CACNA1A: variants seen among roughly 807,000 people sequenced by gnomAD.
CACNA1A encodes the protein voltage-dependent P/Q-type calcium channel subunit alpha-1A.
A neutral mutation model predicts 262.4 loss-of-function variants in CACNA1A; 57 were observed. That is an observed-to-expected ratio of 0.22 (90% confidence interval 0.18 to 0.27). The LOEUF (loss-of-function observed/expected upper bound fraction) is 0.27, where lower values mean the gene tolerates loss of function less well. Among genes scored for constraint, CACNA1A ranks in the 10% least tolerant of loss-of-function variants. The pLI, the probability that CACNA1A is intolerant of heterozygous loss-of-function variation, is 1.00. For synonymous variants in CACNA1A, 1,431 were observed against 1,419.3 expected, an observed-to-expected ratio of 1.01 and a Z score of -0.18; for missense variants, 2,526 against 3,562.8, an observed-to-expected ratio of 0.71 and a Z score of 7.41.
intron 6 of CACNA1A, among the ~76,000 whole-genome samples, chr19:13,344,016 C>G (rs2058718076): frequency 6.6e-6 from 1 of 152,086 alleles, no homozygotes; most frequent in South Asian, 2.1e-4. Flanking sequence ...TTGAGACCAG[C>G]CTGGGCAACA....
chr19:13,207,804 G>T lies in CACNA1A; in HGVS notation c.7030C>A (p.Pro2344Thr). The change falls in exon 47 of 47, where the codon CCC becomes ACC. Residue 2344 changes from proline to threonine, a missense_variant. This residue lies in a region of CACNA1A where 929 missense variants were observed against 868.1 expected (regional missense o/e 1.07). Coordinates refer to ENST00000360228, the MANE Select transcript of CACNA1A (RefSeq NM_001127222.2). The surrounding 1 kb of genome is among the most constrained non-coding windows in gnomAD (Gnocchi z 5.7). ...ATSGPRRYPG[P>T]TAEPLAGDRP... ...TCTCCGGCCAGAGGCTCGGCCGTGG[G>T]GCCTGGGTACCTCCGAGGGCCGCTG... is the stretch of plus-strand genomic sequence containing the variant. 1.4e-6 allele frequency: 2 copies of T among 1,443,810 alleles called. No individual in the cohort carries two copies. Among genetic ancestry groups the T allele is most frequent in the Non-Finnish European group, 1.8e-6 (2 of 1,106,008 alleles). The allele number at this position is 1,443,810 out of a possible 1,614,324, so 89.4% of individuals were successfully genotyped here.
At chr19:13,293,247 G>A (rs72993598) in intron 19 of CACNA1A, among the ~76,000 whole-genome samples, 13,833 of 151,930 alleles carry the variant, frequency 0.091, 817 homozygotes, top group South Asian at 0.23. Context: ...GCCAGGCATG[G>A]TGTCTCATGT....
At chr19:13,463,247 T>C (rs1158754883) in intron 1 of CACNA1A, among the ~76,000 whole-genome samples, 1 of 152,130 alleles carries the variant, frequency 6.6e-6, no homozygotes, top group East Asian at 1.9e-4. Flanking sequence ...ATGGCCACAG[T>C]TTAGTAAAGG....
Position 13,294,487 on chromosome 19 carries a change from C to CTT in CACNA1A, c.3089+4055_3089+4056dup, listed in dbSNP as rs780908964. 3.2e-3 allele frequency among the ~76,000 whole-genome samples: 235 copies of CTT among 72,522 alleles called. 23 individuals are homozygous for CTT. The highest frequency in any genetic ancestry group is 4.1e-3 in the Admixed American group (22 of 5,332). The allele number at this position is 72,522 out of a possible 152,430, so 47.6% of individuals were successfully genotyped here. A position where few individuals can be genotyped will look rare whatever the true frequency, so the allele number is the denominator to read the frequency against. ...TACAGGTGCATACCACTGTACCTGG[C>CTT]TTTTTTTTTTTTTTTTTTTTTTTGA... is the stretch of plus-strand genomic sequence containing the variant. On this transcript the variant is annotated intron_variant, in intron 19 of 46. Coordinates refer to ENST00000360228, the MANE Select transcript of CACNA1A (RefSeq NM_001127222.2).
In CACNA1A at chr19:13,506,087, C is replaced by G; in HGVS notation, c.138G>C (p.Arg46Ser). ...TCTGCGCCATTGACTGCTTGTACAT[C>G]CTTTGCGCCCCGGGCTGCCCGCCCT... ...SRQGGQPGAQRMYKQSMAQRA... is the reference protein window; with the variant it reads ...SRQGGQPGAQSMYKQSMAQRA... The change falls in exon 1 of 47, where the codon AGG (arginine) becomes AGC (serine). Residue 46 changes from arginine to serine, a missense_variant. Arg to Ser is a moderately radical substitution (Grantham distance 110, BLOSUM62 -1). This residue lies in a region of CACNA1A where 65 missense variants were observed against 75.6 expected (regional missense o/e 0.86). Coordinates refer to ENST00000360228, the MANE Select transcript of CACNA1A (RefSeq NM_001127222.2). 6.2e-7 allele frequency: 1 copy of G among 1,613,724 alleles called. No individual in the cohort carries two copies. The highest frequency in any genetic ancestry group is 2.2e-5 in the East Asian group (1 of 44,834).
rs374115419 is a variant in CACNA1A, at chr19:13,214,219, G to T, written c.5940+14C>A. ...TCCCCAGCCCAGATGTCCCCAGAGC[G>T]GCGAACAGCGCACCTGCTCCTCGCG... On this transcript the variant is annotated intron_variant, in intron 40 of 46. Coordinates refer to ENST00000360228, the MANE Select transcript of CACNA1A (RefSeq NM_001127222.2). The surrounding 1 kb of genome is among the most constrained non-coding windows in gnomAD (Gnocchi z 4.1). 7.3e-5 allele frequency: 116 copies of T among 1,594,848 alleles called. No homozygotes were observed. The highest frequency in any genetic ancestry group is 5.1e-5 in the Admixed American group (3 of 58,958).
chr19:13,245,573 C>T, intron 30 of CACNA1A: 2 of 362,100 alleles, frequency 5.5e-6, no homozygotes, highest in Non-Finnish European at 1.0e-5. Context: ...TTTTTGAGGG[C>T]TCCCGAGACC....
chr19:13,210,820 G>C, intron 43 of CACNA1A, 168 bp from the exon 44 acceptor site: 3 of 751,970 alleles, frequency 4.0e-6, no homozygotes, highest in Non-Finnish European at 6.8e-6. Flanking sequence ...GAAAAGAAAA[G>C]TTAAAGTCCT....
At position 13,303,780 on chromosome 19, in the gene CACNA1A, C is replaced by A; in HGVS notation, c.2091G>T (p.Thr697=). 1 of 1,610,250 alleles carries A rather than the reference C, an allele frequency of 6.2e-7. No individual in the cohort carries two copies. The highest frequency in any genetic ancestry group is 8.5e-7 in the Non-Finnish European group (1 of 1,176,748). ...MVFSIYFIVL[T]LFGNYTLLNV... ...CATGAAGGATACAGTTCCCAAAGAG[C>A]GTCAGTACAATGAAATAGATGGAGA... The change falls in exon 16 of 47, where the codon ACG becomes ACT. Residue 697 remains threonine (T), a synonymous_variant. Coordinates refer to ENST00000360228, the MANE Select transcript of CACNA1A (RefSeq NM_001127222.2).
At chr19:13,317,387 C>T (rs957719394) in intron 10 of CACNA1A, 66 bp from the exon 11 acceptor site, 11 of 1,334,322 alleles carry the variant, frequency 8.2e-6, no homozygotes, top group Non-Finnish European at 1.0e-5. Flanking sequence ...AACCAATGTG[C>T]AGCCCAAGCA....
chr19:13,289,877 T>G (rs1193968947), intron 19 of CACNA1A, among the ~76,000 whole-genome samples: 1 of 150,784 alleles, frequency 6.6e-6, no homozygotes, highest in Non-Finnish European at 1.5e-5. Flanking sequence ...AAAGATCACT[T>G]GTTCTGTAGT....
At chr19:13,380,502 C>T (rs1382195591) in intron 3 of CACNA1A, among the ~76,000 whole-genome samples, 1 of 150,540 alleles carries the variant, frequency 6.6e-6, no homozygotes. Flanking sequence ...AAAAAATTAG[C>T]TGGGCGTGGC....
rs550616613 is a variant in CACNA1A at position 13,402,779 on chromosome 19, C to CACAT, written c.540-31001_540-31000insATGT. Among the ~76,000 whole-genome samples, 696 of 124,350 alleles carry CACAT rather than the reference C, an allele frequency of 5.6e-3. 7 individuals carry two copies. Among genetic ancestry groups the CACAT allele is most frequent in the African/African-American group, 0.023 (636 of 28,014 alleles). The allele number at this position is 124,350 out of a possible 152,430, so 81.6% of individuals were successfully genotyped here. On this transcript the variant is annotated intron_variant, in intron 3 of 46. Transcript: ENST00000360228. ...ACACACATATATATACATATATATA[C>CACAT]ATATATATACATATATACACACATA...
chr19:13,300,117 C>T (rs992960880), intron 18 of CACNA1A, among the ~76,000 whole-genome samples: 6 of 152,146 alleles, frequency 3.9e-5, no homozygotes, highest in Admixed American at 2.6e-4. Flanking sequence ...TCCACAGCCC[C>T]GGGACTGGGG....
intron 3 of CACNA1A, among the ~76,000 whole-genome samples, chr19:13,410,377 C>T (rs1441602267): frequency 6.6e-6 from 1 of 151,874 alleles, no homozygotes; most frequent in Non-Finnish European, 1.5e-5. Flanking sequence ...CAGGCATGCA[C>T]CACCATGCCC....
intron 6 of CACNA1A, among the ~76,000 whole-genome samples, chr19:13,357,553 T>G (rs1192881674): frequency 6.6e-6 from 1 of 152,174 alleles, no homozygotes; most frequent in African/African-American, 2.4e-5. Context: ...GTGGCATCCT[T>G]GTGTTTGATC....
In CACNA1A at chr19:13,221,225, T is replaced by TTTTCTTTCTTTCTTC. The variant is rs1491338212; in HGVS notation, c.5731+3441_5731+3442insGAAGAAAGAAAGAAA. Among the ~76,000 whole-genome samples, 5 of 41,046 alleles carry TTTTCTTTCTTTCTTC rather than the reference T, an allele frequency of 1.2e-4. 1 individual carries two copies. Among genetic ancestry groups the TTTTCTTTCTTTCTTC allele is most frequent in the Middle Eastern group, 0.015 (2 of 136 alleles). 26.9% of individuals were successfully genotyped at this position (41,046 alleles called of 152,430 possible). Reference sequence around the variant, plus strand: ...GGTCCCATTTGTTTTTTCTTTTCTTTCTTTCTTTCTTTTTTTTTTTTTTTT... The same window carrying TTTTCTTTCTTTCTTC: ...GGTCCCATTTGTTTTTTCTTTTCTTTTTTCTTTCTTTCTTCCTTTCTTTCTTTTTTTTTTTTTTTT... On this transcript the variant is annotated intron_variant, in intron 38 of 46. Coordinates refer to ENST00000360228, the MANE Select transcript of CACNA1A (RefSeq NM_001127222.2).
chr19:13,418,050 G>T (rs962738443), intron 3 of CACNA1A, among the ~76,000 whole-genome samples: 4 of 152,016 alleles, frequency 2.6e-5, no homozygotes, highest in Non-Finnish European at 5.9e-5. Flanking sequence ...GACAATATTT[G>T]TGTTGCAAAT....
chr19:13,415,040 T>C (rs1011892204), intron 3 of CACNA1A, among the ~76,000 whole-genome samples: 3 of 151,376 alleles, frequency 2.0e-5, no homozygotes, highest in Non-Finnish European at 4.4e-5. Flanking sequence ...TGGTTACTCA[T>C]TGGGGGACTT....
Sources: gnomAD v4.1 joint callset for allele counts (sites outside exome capture counted in the v4.1 genomes callset) on GRCh38, gnomAD v4.1.1 for gene constraint, gnomAD v4.1.1 regional missense constraint, Gnocchi (gnomAD v3.1) non-coding constraint, MANE v1.5 for transcripts, NCBI Gene and HGNC (gene_info 2026-07-23, HGNC 2026-07-21) for gene names.